Variants in SQOR observed in about 807,000 individuals in gnomAD.
SQOR encodes sulfide:quinone oxidoreductase, mitochondrial.
SQOR carries 39 observed loss-of-function variants against 48.6 expected under a neutral mutation model. The observed-to-expected ratio is 0.80, with a 90% confidence interval of 0.62 to 1.05. The LOEUF is 1.05. Ranked by LOEUF, SQOR falls within the 50% of genes least tolerant of loss-of-function variation. The pLI is 0.00. For missense variants in SQOR, 561 were observed against 559.9 expected, an observed-to-expected ratio of 1.00 and a Z score of -0.02; for synonymous variants, 220 against 206.2, an observed-to-expected ratio of 1.07 and a Z score of -0.57.
chr15:45,650,529 G>A (rs1445497136), intron 1 of SQOR, among the ~76,000 whole-genome samples: 2 of 152,142 alleles, frequency 1.3e-5, no homozygotes, highest in Non-Finnish European at 2.9e-5. Flanking sequence ...ATGGCAAAGA[G>A]CAAAAGAAGA....
chr15:45,645,614 G>C (rs1036954262), intron 1 of SQOR, among the ~76,000 whole-genome samples: 1 of 152,152 alleles, frequency 6.6e-6, no homozygotes, highest in Admixed American at 6.5e-5. Flanking sequence ...CTGGGATATC[G>C]GATGTTCTTC....
Position 45,661,959 on chromosome 15 carries a change from A to G in SQOR, c.239A>G (p.His80Arg), listed in dbSNP as rs761319949. 4 of 1,613,880 alleles carry G rather than the reference A, an allele frequency of 2.5e-6. No homozygotes were observed. The highest frequency in any genetic ancestry group is 2.2e-5 in the South Asian group (2 of 91,026). The change falls in exon 3 of 10, where the codon CAT (histidine) becomes CGT (arginine). Residue 80 changes from histidine to arginine, a missense_variant. By Grantham distance (29) the His-to-Arg change is conservative. Transcript: ENST00000260324. The part of the protein sequence containing the change: ...NVAIVEPSER[H>R]FYQPIWTLVG... ...TTCAAATACTTTGTTTCTCAGAGACATTTCTACCAGCCAATCTGGACACTG... is the reference window on the plus strand; with the variant it reads ...TTCAAATACTTTGTTTCTCAGAGACGTTTCTACCAGCCAATCTGGACACTG...
rs564047355 is a variant in SQOR at position 45,684,451 on chromosome 15, C to T, written c.1048+1790C>T. On this transcript the variant is annotated intron_variant, in intron 7 of 9. Transcript: ENST00000260324. ...TTAGAATTGTCTAGTTGCTTTCTTA[C>T]GGTTAGATTCAGGTTATATGTTTTG... Among the ~76,000 whole-genome samples the T allele has an allele frequency of 5.9e-5, 9 of 152,242 alleles. No individual in the cohort carries two copies. In the South Asian group the frequency reaches 1.7e-3, roughly 28 times the overall value.
chr15:45,673,333 C>G (rs866578222), intron 4 of SQOR, among the ~76,000 whole-genome samples: 1 of 152,142 alleles, frequency 6.6e-6, no homozygotes. Context: ...GTCCTCACTC[C>G]GATGGTGGGA....
chr15:45,658,048 A>G (rs1048204938), intron 1 of SQOR, among the ~76,000 whole-genome samples: 29 of 152,146 alleles, frequency 1.9e-4, no homozygotes, highest in African/African-American at 7.0e-4. Context: ...TCTCTGCCAA[A>G]GCACTAACTG....
chr15:45,672,368 T>C (rs1566921269), intron 4 of SQOR, among the ~76,000 whole-genome samples: 1 of 152,194 alleles, frequency 6.6e-6, no homozygotes, highest in Non-Finnish European at 1.5e-5. Flanking sequence ...AAGGTGATTT[T>C]ATAATAATAA....
At chr15:45,657,216 C>T (rs1042731178) in intron 1 of SQOR, among the ~76,000 whole-genome samples, 2 of 151,542 alleles carry the variant, frequency 1.3e-5, no homozygotes, top group Admixed American at 6.6e-5. Context: ...CTCTCTGCCC[C>T]CATATTAAAG....
chr15:45,659,696 T>C (rs1464123276), intron 2 of SQOR, among the ~76,000 whole-genome samples: 1 of 152,214 alleles, frequency 6.6e-6, no homozygotes, highest in Non-Finnish European at 1.5e-5. Flanking sequence ...CACATGACCC[T>C]TTTATAAAGC....
intron 1 of SQOR, among the ~76,000 whole-genome samples, chr15:45,648,689 G>A (rs899991465): frequency 1.1e-4 from 17 of 152,070 alleles, no homozygotes; most frequent in South Asian, 4.1e-4. Context: ...GACCTGTGCC[G>A]TGTACACAGT....
chr15:45,682,398 G>A (rs1890139096), intron 6 of SQOR, 80 bp from the exon 7 acceptor site: 12 of 1,477,006 alleles, frequency 8.1e-6, no homozygotes, highest in Non-Finnish European at 1.1e-5. Context: ...AGTGTATAGA[G>A]TAAGGAAGGT....
chr15:45,682,504 A>AG lies in SQOR; in HGVS notation c.891_892insG (p.Met298AspfsTer14). 6.2e-7 allele frequency: 1 copy of AG among 1,614,186 alleles called. No homozygotes were observed. The highest frequency in any genetic ancestry group is 8.5e-7 in the Non-Finnish European group (1 of 1,180,032). On this transcript the variant is annotated frameshift_variant, in exon 7 of 10. Coordinates refer to ENST00000260324, the MANE Select transcript of SQOR (RefSeq NM_021199.4). LOFTEE classifies it high-confidence loss of function. The stretch of plus-strand genomic sequence containing the variant: ...ATGAAATGCTTCATGTCACACCTCC[A>AG]ATGAGCCCACCAGATGTCCTCAAGA...
chr15:45,634,542 C>T (rs1423079402), upstream of SQOR, among the ~76,000 whole-genome samples: 1 of 152,106 alleles, frequency 6.6e-6, no homozygotes, highest in Non-Finnish European at 1.5e-5. Flanking sequence ...CCAGCGCACA[C>T]CAAAGCTGAA....
chr15:45,650,535 G>A (rs1015898921), intron 1 of SQOR, among the ~76,000 whole-genome samples: 15 of 152,110 alleles, frequency 9.9e-5, no homozygotes, highest in Admixed American at 9.2e-4. Flanking sequence ...AAGAGCAAAA[G>A]AAGAAAGCAT....
rs2140949546 is a variant in SQOR, at chr15:45,662,113, T to C, written c.393T>C (p.Asp131=). ...LNPDKNCIHT[D]DDEKISYRYL... is the part of the protein sequence containing the mutation. ...CAGACAAGAACTGCATTCACACAGA[T>C]GACGACGAGAAGGTAACCACTGAGG... The change falls in exon 3 of 10, where the codon GAT becomes GAC. Residue 131 remains aspartate, a synonymous_variant. Transcript: ENST00000260324. 6.2e-7 allele frequency: 1 copy of C among 1,613,942 alleles called. No homozygotes were observed. Among genetic ancestry groups the C allele is most frequent in the South Asian group, 1.1e-5 (1 of 91,044 alleles).
At chr15:45,649,935 C>T (rs1339668026) in intron 1 of SQOR, among the ~76,000 whole-genome samples, 3 of 152,084 alleles carry the variant, frequency 2.0e-5, no homozygotes, top group Admixed American at 6.6e-5. Flanking sequence ...CTCTGCCTCC[C>T]GGGTTCAAGT....
At chr15:45,656,592 A>AT (rs1398162595) in intron 1 of SQOR, among the ~76,000 whole-genome samples, 2 of 151,994 alleles carry the variant, frequency 1.3e-5, no homozygotes, top group African/African-American at 4.8e-5. Context: ...ATGCCCAGCC[A>AT]ATATTAATGT....
Position 45,658,942 on chromosome 15 carries a change from G to C in SQOR, c.19G>C (p.Val7Leu). 1 of 1,568,796 alleles carries C rather than the reference G, an allele frequency of 6.4e-7. No homozygotes were observed. The change falls in exon 2 of 10, where the codon GTG (valine) becomes CTG (leucine). Residue 7 changes from valine (V) to leucine (L), a missense_variant. Val to Leu is a conservative substitution (Grantham distance 32, BLOSUM62 1). Coordinates refer to ENST00000260324, the MANE Select transcript of SQOR (RefSeq NM_021199.4). MVPLVA[V>L]VSGPRAQLFA... is the part of the protein sequence containing the mutation. ...CCTGAAGATGGTGCCACTGGTGGCT[G>C]TGGTATCAGGGCCCCGTGCCCAGCT...
At chr15:45,675,511 C>CA (rs1402359078) in intron 5 of SQOR, among the ~76,000 whole-genome samples, 1 of 151,996 alleles carries the variant, frequency 6.6e-6, no homozygotes, top group Non-Finnish European at 1.5e-5. Flanking sequence ...TCTCCTGCCT[C>CA]AGCCTCCTGA....
At chr15:45,674,831 T>G (rs142359487) in intron 5 of SQOR, among the ~76,000 whole-genome samples, 2 of 152,274 alleles carry the variant, frequency 1.3e-5, no homozygotes, top group African/African-American at 4.8e-5. Flanking sequence ...TGACATTTAG[T>G]TTACCAAAGT....
Sources: gnomAD v4.1 joint callset for allele counts (sites outside exome capture counted in the v4.1 genomes callset) on GRCh38, gnomAD v4.1.1 for gene constraint, MANE v1.5 for transcripts, NCBI Gene and HGNC (gene_info 2026-07-23, HGNC 2026-07-21) for gene names.